Variants in DIAPH2 observed in about 807,000 individuals in gnomAD.
The protein encoded by DIAPH2 is diaphanous related formin 2.
Under a neutral mutation model 92.7 loss-of-function variants are expected in DIAPH2, and 35 were observed. The ratio of observed to expected loss-of-function variants is 0.38; its 90% CI spans 0.29 to 0.50. The LOEUF is 0.50. DIAPH2 is among the 20% of genes least tolerant of loss of function. DIAPH2 has a pLI of 0.94. For synonymous variants in DIAPH2, 301 were observed against 280.4 expected, an observed-to-expected ratio of 1.07 and a Z score of -0.73; for missense variants, 701 against 819.5, an observed-to-expected ratio of 0.86 and a Z score of 1.77.
At chrX:97,432,361 C>T (rs1469821382) in intron 26 of DIAPH2, among the ~76,000 whole-genome samples, 13 of 110,681 alleles carry the variant, frequency 1.2e-4, no homozygotes, top group African/African-American at 4.3e-4. Context: ...GTGGTGCGAT[C>T]TCGGCCCACT....
At chrX:96,804,760 T>A (rs1177964437) in intron 4 of DIAPH2, among the ~76,000 whole-genome samples, 1 of 111,541 alleles carries the variant, frequency 9.0e-6, no homozygotes, top group Non-Finnish European at 1.9e-5. Flanking sequence ...TATGCTAAAA[T>A]TTAAAAATAA....
chrX:96,798,287 T>C (rs1328764736), intron 4 of DIAPH2, among the ~76,000 whole-genome samples: 4 of 111,928 alleles, frequency 3.6e-5, no homozygotes, highest in Admixed American at 9.5e-5. Context: ...GAGGCTCTGA[T>C]AGTTTTTTTA....
At chrX:97,449,602 A>C in intron 26 of DIAPH2, 1 of 586,133 alleles carries the variant, frequency 1.7e-6, no homozygotes, top group Non-Finnish European at 2.1e-6. Flanking sequence ...GGGTGGAGGA[A>C]GGTAGTATTT....
At chrX:97,055,946 G>T (rs998452628) in intron 17 of DIAPH2, among the ~76,000 whole-genome samples, 1 of 111,850 alleles carries the variant, frequency 8.9e-6, no homozygotes, top group Non-Finnish European at 1.9e-5. Context: ...ACTCCTATCT[G>T]TTGTTATCAA....
intron 1 of DIAPH2, among the ~76,000 whole-genome samples, chrX:96,717,316 C>T (rs1261388604): frequency 1.8e-5 from 2 of 110,859 alleles, no homozygotes; most frequent in African/African-American, 6.6e-5. Flanking sequence ...GCCTCCATAT[C>T]CCTGCTGATT....
At chrX:96,864,291 CTT>C (rs771042613) in intron 4 of DIAPH2, among the ~76,000 whole-genome samples, 80 of 87,273 alleles carry the variant, frequency 9.2e-4, no homozygotes, top group Middle Eastern at 6.3e-3. Context: ...TTTTGAGGCA[CTT>C]TTTTTTTTTT....
chrX:96,756,375 T>C (rs1191205739), intron 3 of DIAPH2, among the ~76,000 whole-genome samples: 2 of 111,829 alleles, frequency 1.8e-5, no homozygotes, highest in African/African-American at 3.3e-5. Context: ...AATAGAATCA[T>C]AGAATATATG....
At chrX:97,354,526 C>T (rs754829463) in intron 24 of DIAPH2, among the ~76,000 whole-genome samples, 39 of 111,518 alleles carry the variant, frequency 3.5e-4, no homozygotes, top group African/African-American at 1.3e-3. Flanking sequence ...GCACCCACCA[C>T]CACGCCTGGC....
chrX:96,700,983 T>A (rs777445399), intron 1 of DIAPH2, among the ~76,000 whole-genome samples: 6 of 112,317 alleles, frequency 5.3e-5, no homozygotes, highest in African/African-American at 1.9e-4. Context: ...CTTTTAAAAG[T>A]TGAAGCCGTT....
Position 96,684,863 on chromosome X carries a change from A to T in DIAPH2, c.-196A>T, listed in dbSNP as rs2063762311. The T allele has an allele frequency of 1.3e-5, 5 of 390,554 alleles. No individual in the cohort carries two copies. The highest frequency in any genetic ancestry group is 1.9e-5 in the Non-Finnish European group (5 of 259,648). The allele number at this position is 390,554 out of a possible 1,213,427, so 32.2% of individuals were successfully genotyped here. On this transcript the variant is annotated 5_prime_UTR_variant, in exon 1 of 27. Coordinates refer to ENST00000324765, the MANE Select transcript of DIAPH2 (RefSeq NM_006729.5). ...GCTTGCCCCAGCGCCGAGTAGTGGC[A>T]ACGGCGTGGTTGCGTCGGGGGTGCC...
intron 10 of DIAPH2, among the ~76,000 whole-genome samples, chrX:96,932,799 C>A (rs2065627787): frequency 9.0e-6 from 1 of 110,524 alleles, no homozygotes; most frequent in Non-Finnish European, 1.9e-5. Flanking sequence ...CTAATCCTAC[C>A]CTTATAGTTA....
At chrX:97,565,542 G>A (rs890786023) in intron 26 of DIAPH2, among the ~76,000 whole-genome samples, 17 of 112,110 alleles carry the variant, frequency 1.5e-4, no homozygotes, top group African/African-American at 5.5e-4. Context: ...AAATGTAGAC[G>A]AAACAGTGAA....
In DIAPH2 at chrX:97,234,114, G is replaced by A. The variant is rs771532561; in HGVS notation, c.2720-13601G>A. Reference sequence around the variant, plus strand: ...TGAGGCCGGTAGATCACATGAGATCGGGAGTTCGAGACCAGCCTGACCAAC... The same window carrying A: ...TGAGGCCGGTAGATCACATGAGATCAGGAGTTCGAGACCAGCCTGACCAAC... On this transcript the variant is annotated intron_variant, in intron 22 of 26. Transcript: ENST00000324765. Among the ~76,000 whole-genome samples, 27 of 107,476 alleles carry A rather than the reference G, an allele frequency of 2.5e-4. 1 individual carries two copies. Among genetic ancestry groups the A allele is most frequent in the African/African-American group, 8.4e-4 (25 of 29,622 alleles). The allele number at this position is 107,476 out of a possible 115,157, so 93.3% of individuals were successfully genotyped here. A position where few individuals can be genotyped will look rare whatever the true frequency, so the allele number is the denominator to read the frequency against.
chrX:96,790,324 G>A (rs2064491035), intron 4 of DIAPH2, among the ~76,000 whole-genome samples: 1 of 111,050 alleles, frequency 9.0e-6, no homozygotes, highest in Admixed American at 9.6e-5. Context: ...GCCTGCCTCG[G>A]CCTCCCAAAG....
At chrX:97,066,980 C>T (rs896113735) in intron 17 of DIAPH2, among the ~76,000 whole-genome samples, 1 of 111,612 alleles carries the variant, frequency 9.0e-6, no homozygotes. Context: ...ATTCCTATTG[C>T]TTCAGGTACT....
chrX:97,598,812 A>G (rs2071572377), intron 26 of DIAPH2, among the ~76,000 whole-genome samples: 1 of 112,081 alleles, frequency 8.9e-6, no homozygotes, highest in Non-Finnish European at 1.9e-5. Flanking sequence ...ATTGTAAAAA[A>G]TAAAAACTCT....
chrX:97,413,180 A>G (rs1186882043), intron 25 of DIAPH2, among the ~76,000 whole-genome samples: 1 of 111,860 alleles, frequency 8.9e-6, no homozygotes, highest in Non-Finnish European at 1.9e-5. Context: ...AACCGAATCC[A>G]GCAGCACACC....
At chrX:97,566,607 T>C (rs2071329426) in intron 26 of DIAPH2, among the ~76,000 whole-genome samples, 1 of 111,796 alleles carries the variant, frequency 8.9e-6, no homozygotes, top group Non-Finnish European at 1.9e-5. Flanking sequence ...ACGTTTCACA[T>C]AGGGAAAAGA....
chrX:97,526,096 A>T (rs1569417833), intron 26 of DIAPH2, among the ~76,000 whole-genome samples: 1 of 110,684 alleles, frequency 9.0e-6, no homozygotes, highest in Non-Finnish European at 1.9e-5. Flanking sequence ...GAAGTTCATC[A>T]TCATCTTTAG....
Sources: gnomAD v4.1 joint callset for allele counts (sites outside exome capture counted in the v4.1 genomes callset) on GRCh38, gnomAD v4.1.1 for gene constraint, MANE v1.5 for transcripts, NCBI Gene and HGNC (gene_info 2026-07-23, HGNC 2026-07-21) for gene names.